Variants in DNAJC14 observed in about 807,000 individuals in gnomAD.
DNAJC14 encodes the protein DnaJ heat shock protein family (Hsp40) member C14, also known as dnaJ homolog subfamily C member 14.
Under a neutral mutation model 68.8 loss-of-function variants are expected in DNAJC14, and 12 were observed. The observed-to-expected ratio is 0.17, with a 90% CI of 0.11 to 0.28. DNAJC14 has a LOEUF of 0.28. Ranked by LOEUF, DNAJC14 falls within the 10% of genes least tolerant of loss-of-function variation. DNAJC14 has a pLI of 1.00. For synonymous variants in DNAJC14, 350 were observed against 321.5 expected (o/e 1.09, Z -0.95); for missense variants, 764 against 875.6 (o/e 0.87, Z 1.61).
chr12:55,829,304 G>A (rs151337528), intron 1 of DNAJC14, 185 bp downstream of exon 1: 15,674 of 857,154 alleles, frequency 0.018, 172 homozygotes, highest in Non-Finnish European at 0.02. Flanking sequence ...AATTCGCCAG[G>A]CGTGGTGGCG....
Position 55,827,895 on chromosome 12 carries a change from A to G in DNAJC14, c.764T>C (p.Leu255Pro). 6.2e-7 allele frequency: 1 copy of G among 1,608,488 alleles called. No individual in the cohort carries two copies. The highest frequency in any genetic ancestry group is 8.5e-7 in the Non-Finnish European group (1 of 1,175,898). Reference sequence around the variant, plus strand: ...TCCCACCAATACCAGCAGTTCAATCAGCCACCAAAAGCCTGCCTGTCCAAG... The same window carrying G: ...TCCCACCAATACCAGCAGTTCAATCGGCCACCAAAAGCCTGCCTGTCCAAG... ...CQLGQAGFWWLIELLVLVGEY... is the reference protein window; with the variant it reads ...CQLGQAGFWWPIELLVLVGEY... The change falls in exon 2 of 7, where the codon CTG becomes CCG. Residue 255 changes from leucine (L) to proline (P), a missense_variant. This residue lies in a region of DNAJC14 where 514 missense variants were observed against 521.7 expected (regional missense o/e 0.99). Coordinates refer to ENST00000678005, the MANE Select transcript of DNAJC14 (RefSeq NM_032364.6).
chr12:55,823,174 C>G lies in DNAJC14; in HGVS notation c.1530G>C (p.Glu510Asp), dbSNP rs1368922159. The change falls in exon 4 of 7, where the codon GAG becomes GAC. Residue 510 changes from glutamate to aspartate, a missense_variant. Transcript: ENST00000678005. The stretch of plus-strand genomic sequence containing the variant: ...CATTTACTGACCGGCTCAGCTCATT[C>G]TCTGCCATTCGTTTCCTAATAGAAG... The part of the protein sequence containing the change: ...RKEYEMKRMA[E>D]NELSRSVNEF... 1 of 1,614,046 alleles carries G rather than the reference C, an allele frequency of 6.2e-7. No homozygotes were observed. The highest frequency in any genetic ancestry group is 8.5e-7 in the Non-Finnish European group (1 of 1,180,044).
chr12:55,822,141 G>C lies in DNAJC14; in HGVS notation c.1945C>G (p.Arg649Gly). 6.2e-7 allele frequency: 1 copy of C among 1,605,428 alleles called. No individual in the cohort carries two copies. Among genetic ancestry groups the C allele is most frequent in the Non-Finnish European group, 8.5e-7 (1 of 1,176,344 alleles). ...PPADLQDFLSRIFQVPPGQMP... is the reference protein window; with the variant it reads ...PPADLQDFLSGIFQVPPGQMP... ...TGCCCTGGGGGTACTTGAAAGATCCGACTCAAGAAATCCTGAAGATCAGCA... is the reference window on the plus strand; with the variant it reads ...TGCCCTGGGGGTACTTGAAAGATCCCACTCAAGAAATCCTGAAGATCAGCA... The change falls in exon 7 of 7, where the codon CGG (arginine) becomes GGG (glycine). Residue 649 changes from arginine to glycine, a missense_variant. Arg to Gly is a moderately radical substitution (Grantham distance 125). Around this residue, in one of 4 missense-constraint regions of DNAJC14, gnomAD observed 134 missense variants for 162.3 expected, o/e 0.83. Coordinates refer to ENST00000678005, the MANE Select transcript of DNAJC14 (RefSeq NM_032364.6).
In DNAJC14 at chr12:55,827,285, T is replaced by G; in HGVS notation, c.1374A>C (p.Glu458Asp). 6.4e-7 allele frequency: 1 copy of G among 1,568,156 alleles called. No homozygotes were observed. Among genetic ancestry groups the G allele is most frequent in the Non-Finnish European group, 8.6e-7 (1 of 1,156,298 alleles). Residue 458 changes from glutamate (E) to aspartate (D), a missense_variant, in exon 2 of 7, where the codon GAA becomes GAC. Glu to Asp is a conservative substitution (Grantham distance 45). This residue lies in a region of DNAJC14 where 110 missense variants were observed against 162.7 expected (regional missense o/e 0.68). Transcript: ENST00000678005. Reference sequence around the variant, plus strand: ...CCAGCTGTCTATAGGCCTTCTTCAGTTCAACATCTGATGCTGTGGCCTCAA... The same window carrying G: ...CCAGCTGTCTATAGGCCTTCTTCAGGTCAACATCTGATGCTGTGGCCTCAA... ...LGVEATASDV[E>D]LKKAYRQLAV...
At chr12:55,828,999 G>T in intron 1 of DNAJC14, 1 of 695,248 alleles carries the variant, frequency 1.4e-6, no homozygotes, top group Non-Finnish European at 1.8e-6. Flanking sequence ...GGGGGAGGGT[G>T]GGTCACTCTT....
At chr12:55,825,542 C>CT (rs11375162) in intron 2 of DNAJC14, among the ~76,000 whole-genome samples, 87,025 of 122,032 alleles carry the variant, frequency 0.71, 36,154 homozygotes, top group Non-Finnish European at 0.92. Context: ...TGCACACCCT[C>CT]TTTTTTTTTT....
chr12:55,822,715 C>G lies in DNAJC14; in HGVS notation c.1652G>C (p.Arg551Pro). 1 of 1,614,026 alleles carries G rather than the reference C, an allele frequency of 6.2e-7. No individual in the cohort carries two copies. The highest frequency in any genetic ancestry group is 8.5e-7 in the Non-Finnish European group (1 of 1,179,974). The change falls in exon 5 of 7, where the codon CGG becomes CCG. Residue 551 changes from arginine (R) to proline (P), a missense_variant. Coordinates refer to ENST00000678005, the MANE Select transcript of DNAJC14 (RefSeq NM_032364.6). ...QGKHRRFEMDREPKSARYCAE... is the reference protein window; with the variant it reads ...QGKHRRFEMDPEPKSARYCAE... The stretch of plus-strand genomic sequence containing the variant: ...ACAGTATCTGGCACTCTTAGGTTCC[C>G]GGTCCATTTCAAACCTCCTGCAACC...
In DNAJC14 at chr12:55,821,059, TAAAAA is replaced by T. The variant is rs150092729; in HGVS notation, c.*913_*917del. ...ATGTACATACAAATATGAACAAACTTAAAAAAAAAATACAAACCCTTGGATCACAT... is the reference window on the plus strand; with the variant it reads ...ATGTACATACAAATATGAACAAACTTAAAAATACAAACCCTTGGATCACAT... On this transcript the variant is annotated 3_prime_UTR_variant, in exon 7 of 7. Transcript: ENST00000678005. The T allele has an allele frequency of 6.6e-6, 1 of 150,594 alleles. No individual in the cohort carries two copies. Among genetic ancestry groups the T allele is most frequent in the South Asian group, 2.1e-4 (1 of 4,776 alleles). The allele number at this position is 150,594 out of a possible 1,614,324, so 9.3% of individuals were successfully genotyped here.
Position 55,822,118 on chromosome 12 carries a change from C to T in DNAJC14, c.1968G>A (p.Gly656=), listed in dbSNP as rs1246989941. ...CAAAGAAGTTCCCATTGGGCATCTG[C>T]CCTGGGGGTACTTGAAAGATCCGAC... is the stretch of plus-strand genomic sequence containing the variant. ...FLSRIFQVPP[G]QMPNGNFFAA... is the part of the protein sequence containing the mutation. Residue 656 remains glycine, a synonymous_variant, in exon 7 of 7, where the codon GGG becomes GGA. Transcript: ENST00000678005. 1.2e-6 allele frequency: 2 copies of T among 1,610,194 alleles called. No individual in the cohort carries two copies. Among genetic ancestry groups the T allele is most frequent in the Admixed American group, 1.7e-5 (1 of 58,810 alleles).
rs774560051 is a variant in DNAJC14 at position 55,823,110 on chromosome 12, T to C, written c.1594A>G (p.Met532Val). Residue 532 changes from methionine to valine, a missense_variant, in exon 4 of 7, where the codon ATG becomes GTG. This residue lies in a region of DNAJC14 where 110 missense variants were observed against 162.7 expected (regional missense o/e 0.68). Coordinates refer to ENST00000678005, the MANE Select transcript of DNAJC14 (RefSeq NM_032364.6). ...SKLQDDLKEA[M>V]NTMMCSRCQG... ...CATCGGCTACACATCATAGTATTCA[T>C]TGCCTCCTTGAGGTCATCTTGCAGC... 3 of 1,614,214 alleles carry C rather than the reference T, an allele frequency of 1.9e-6. No individual in the cohort carries two copies. Among genetic ancestry groups the C allele is most frequent in the Non-Finnish European group, 2.5e-6 (3 of 1,180,036 alleles).
At chr12:55,822,510 C>A in intron 5 of DNAJC14, 35 bp from the exon 6 acceptor site, 1 of 1,613,248 alleles carries the variant, frequency 6.2e-7, no homozygotes, top group Non-Finnish European at 8.5e-7. Context: ...CAAAACGTCG[C>A]AGTTTAGAGC....
Position 55,822,439 on chromosome 12 carries a change from T to A in DNAJC14, c.1832A>T (p.Asp611Val). The change falls in exon 6 of 7, where the codon GAT becomes GTT. Residue 611 changes from aspartate to valine, a missense_variant. Asp to Val is a radical substitution (Grantham distance 152). Transcript: ENST00000678005. The stretch of plus-strand genomic sequence containing the variant: ...GATGTGATAGGGGACTCTGTGGGTA[T>A]CTGGGGAGATACCTACACGCTGGCA... ...AGCQRVGISP[D>V]THRVPYHISF... is the part of the protein sequence containing the mutation. 6.2e-7 allele frequency: 1 copy of A among 1,613,868 alleles called. No homozygotes were observed. The highest frequency in any genetic ancestry group is 8.5e-7 in the Non-Finnish European group (1 of 1,180,036).
Position 55,822,190 on chromosome 12 carries a change from G to T in DNAJC14, c.1899-3C>A, listed in dbSNP as rs765199123. ...CAGGAGGGGCATCTGGGGTGGCTCT[G>T]AGGTAAAACAGAAGAAATAAGGCAA... On this transcript the variant is annotated splice_polypyrimidine_tract_variant and splice_region_variant and intron_variant, in intron 6 of 6. Coordinates refer to ENST00000678005, the MANE Select transcript of DNAJC14 (RefSeq NM_032364.6). 1 of 1,576,550 alleles carries T rather than the reference G, an allele frequency of 6.3e-7. No individual in the cohort carries two copies. Among genetic ancestry groups the T allele is most frequent in the Non-Finnish European group, 8.6e-7 (1 of 1,163,658 alleles).
intron 4 of DNAJC14, 120 bp from the exon 5 acceptor site, chr12:55,822,852 T>A (rs920459244): frequency 7.1e-7 from 1 of 1,409,602 alleles, no homozygotes; most frequent in Non-Finnish European, 9.6e-7. Flanking sequence ...CACTTAGTAT[T>A]TCATATCCCT....
chr12:55,823,454 G>C lies in DNAJC14; in HGVS notation c.1462C>G (p.Arg488Gly). 1 of 1,614,046 alleles carries C rather than the reference G, an allele frequency of 6.2e-7. No homozygotes were observed. The highest frequency in any genetic ancestry group is 8.5e-7 in the Non-Finnish European group (1 of 1,180,022). ...TTGCTGACAATGTCCCAAGCTGCTCGCAAAACCTTGAAGGCCTCCTCAGCC... is the reference window on the plus strand; with the variant it reads ...TTGCTGACAATGTCCCAAGCTGCTCCCAAAACCTTGAAGGCCTCCTCAGCC... The part of the protein sequence containing the change: ...PRAEEAFKVL[R>G]AAWDIVSNAE... The change falls in exon 3 of 7, where the codon CGA becomes GGA. Residue 488 changes from arginine to glycine, a missense_variant. Arg to Gly is a moderately radical substitution (Grantham distance 125). This residue lies in a region of DNAJC14 where 110 missense variants were observed against 162.7 expected (regional missense o/e 0.68). Transcript: ENST00000678005.
rs1481142295 is a variant in DNAJC14 at position 55,827,547 on chromosome 12, G to A, written c.1112C>T (p.Ser371Phe). The change falls in exon 2 of 7, where the codon TCT becomes TTT. Residue 371 changes from serine (S) to phenylalanine (F), a missense_variant. By Grantham distance (155) the Ser-to-Phe change is radical (BLOSUM62 -2). Around this residue, in one of 4 missense-constraint regions of DNAJC14, gnomAD observed 514 missense variants for 521.7 expected, o/e 0.99. Coordinates refer to ENST00000678005, the MANE Select transcript of DNAJC14 (RefSeq NM_032364.6). The part of the protein sequence containing the change: ...KATWLFSWLD[S>F]PALQRCLTLL... ...AGTCAAGCAACGCTGCAAGGCTGGA[G>A]AATCCAGCCAAGAGAAGAGCCAGGT... is the stretch of plus-strand genomic sequence containing the variant. 6.2e-7 allele frequency: 1 copy of A among 1,606,322 alleles called. No homozygotes were observed. Among genetic ancestry groups the A allele is most frequent in the South Asian group, 1.1e-5 (1 of 90,970 alleles).
rs1592594791 is a variant in DNAJC14, at chr12:55,827,403, C to T, written c.1256G>A (p.Gly419Glu). Residue 419 changes from glycine to glutamate, a missense_variant, in exon 2 of 7, where the codon GGG (glycine) becomes GAG (glutamate). Coordinates refer to ENST00000678005, the MANE Select transcript of DNAJC14 (RefSeq NM_032364.6). ...TTCCTCTTCAGGCTGGCAGTAGCGCCCACTAGCTACAGGTGCATTCCCCTG... is the reference window on the plus strand; with the variant it reads ...TTCCTCTTCAGGCTGGCAGTAGCGCTCACTAGCTACAGGTGCATTCCCCTG... ...NRQGNAPVAS[G>E]RYCQPEEEVA... 3 of 1,613,418 alleles carry T rather than the reference C, an allele frequency of 1.9e-6. No homozygotes were observed. In the East Asian group the frequency reaches 6.7e-5, roughly 36 times the overall value.
chr12:55,827,916 C>G lies in DNAJC14; in HGVS notation c.743G>C (p.Gly248Ala). ...LWGAEELCQL[G>A]QAGFWWLIEL... ...AATCAGCCACCAAAAGCCTGCCTGT[C>G]CAAGTTGACATAGTTCCTCGGCTCC... is the stretch of plus-strand genomic sequence containing the variant. The change falls in exon 2 of 7, where the codon GGA becomes GCA. Residue 248 changes from glycine (G) to alanine (A), a missense_variant. Physicochemically the swap from Gly to Ala is moderately conservative, Grantham distance 60 (BLOSUM62 0). Around this residue, in one of 4 missense-constraint regions of DNAJC14, gnomAD observed 514 missense variants for 521.7 expected, o/e 0.99. Transcript: ENST00000678005. The G allele has an allele frequency of 6.2e-7, 1 of 1,606,856 alleles. No individual in the cohort carries two copies. The highest frequency in any genetic ancestry group is 1.7e-5 in the Admixed American group (1 of 59,568).
At chr12:55,826,123 G>T (rs143706531) in intron 2 of DNAJC14, among the ~76,000 whole-genome samples, 4 of 152,020 alleles carry the variant, frequency 2.6e-5, no homozygotes, top group Admixed American at 6.5e-5. Flanking sequence ...CTCTGAATAG[G>T]TCTTTTTCCC....
Sources: gnomAD v4.1 joint callset for allele counts (sites outside exome capture counted in the v4.1 genomes callset) on GRCh38, gnomAD v4.1.1 for gene constraint, gnomAD v4.1.1 regional missense constraint, MANE v1.5 for transcripts, NCBI Gene and HGNC (gene_info 2026-07-23, HGNC 2026-07-21) for gene names.